NUP210: variants seen among roughly 807,000 people sequenced by gnomAD.
The protein encoded by NUP210 is nuclear pore membrane glycoprotein 210.
Under a neutral mutation model 196.0 loss-of-function variants are expected in NUP210, and 151 were observed. The observed-to-expected ratio is 0.77, with a 90% CI of 0.67 to 0.88. The LOEUF is 0.88. Ranked by LOEUF, NUP210 falls within the 40% of genes least tolerant of loss-of-function variation. The pLI, the probability that NUP210 is intolerant of heterozygous loss-of-function variation, is 0.00. For synonymous variants in NUP210, 1,070 were observed against 1,052.7 expected, an observed-to-expected ratio of 1.02 and a Z score of -0.32; for missense variants, 2,314 against 2,493.7, an observed-to-expected ratio of 0.93 and a Z score of 1.53.
At chr3:13,383,659 G>T (rs1036671470) in intron 6 of NUP210, among the ~76,000 whole-genome samples, 4 of 151,406 alleles carry the variant, frequency 2.6e-5, no homozygotes, top group Admixed American at 2.6e-4. Flanking sequence ...TGAGTAGCTG[G>T]GACTACAGGT....
Position 13,365,964 on chromosome 3 carries a change from A to G in NUP210, c.1914T>C (p.Ala638=), listed in dbSNP as rs754080343. 6.2e-7 allele frequency: 1 copy of G among 1,614,132 alleles called. No individual in the cohort carries two copies. The highest frequency in any genetic ancestry group is 8.5e-7 in the Non-Finnish European group (1 of 1,179,954). ...HVHLSAKITI[A]AYLPLKAVDP... is the part of the protein sequence containing the mutation. ...GGCTCACCTTGAGGGGCAGGTAGGC[A>G]GCAATGGTGATCTTGGCACTCAGGT... Residue 638 remains alanine, a synonymous_variant, in exon 14 of 40, where the codon GCT becomes GCC. Transcript: ENST00000254508.
At chr3:13,372,880 G>A (rs1449077424) in intron 12 of NUP210, among the ~76,000 whole-genome samples, 1 of 152,164 alleles carries the variant, frequency 6.6e-6, no homozygotes, top group Non-Finnish European at 1.5e-5. Context: ...GCTGCTGGGC[G>A]AACAGTGGCA....
rs191370678 is a variant in NUP210 at position 13,379,276 on chromosome 3, C to T, written c.976+287G>A. 1.3e-5 allele frequency among the ~76,000 whole-genome samples: 2 copies of T among 152,276 alleles called. No individual in the cohort carries two copies. Among genetic ancestry groups the T allele is most frequent in the Non-Finnish European group, 2.9e-5 (2 of 68,026 alleles). On this transcript the variant is annotated intron_variant, in intron 7 of 39. Coordinates refer to ENST00000254508, the MANE Select transcript of NUP210 (RefSeq NM_024923.4). The surrounding 1 kb of genome is among the most constrained non-coding windows in gnomAD (Gnocchi z 4.2). ...ATTATGCTAGTATGGAAACAGCCCC[C>T]GCCAGGCCCCCTCTGAGAAGGCTGC...
At chr3:13,317,802 A>T in intron 39 of NUP210, 21 bp from the exon 40 acceptor site, 1 of 1,545,416 alleles carries the variant, frequency 6.5e-7, no homozygotes, top group South Asian at 1.2e-5. Flanking sequence ...AAGAGAGACG[A>T]TGTTAGCAGC....
chr3:13,412,231 C>CTTTTTTT lies in NUP210; in HGVS notation c.167+7822_167+7828dup, dbSNP rs71066953. Among the ~76,000 whole-genome samples, 223 of 104,734 alleles carry CTTTTTTT rather than the reference C, an allele frequency of 2.1e-3. 11 individuals are homozygous for CTTTTTTT. Among genetic ancestry groups the CTTTTTTT allele is most frequent in the Middle Eastern group, 0.01 (2 of 194 alleles). 68.7% of individuals were successfully genotyped at this position (104,734 alleles called of 152,430 possible). Reference sequence around the variant, plus strand: ...CCACACCCAGCTTTATTTTCCTTTTCTTTTTTTTTTTTTTTTAGTAGAGAC... The same window carrying CTTTTTTT: ...CCACACCCAGCTTTATTTTCCTTTTCTTTTTTTTTTTTTTTTTTTTTTTAGTAGAGAC... On this transcript the variant is annotated intron_variant, in intron 1 of 39. Coordinates refer to ENST00000254508, the MANE Select transcript of NUP210 (RefSeq NM_024923.4).
intron 25 of NUP210, among the ~76,000 whole-genome samples, chr3:13,339,053 A>C (rs6442371): frequency 0.19 from 28,338 of 152,056 alleles, 2,732 homozygotes; most frequent in East Asian, 0.3. Flanking sequence ...AGCCCATCTG[A>C]ACCCTACCCC....
rs1699882862 is a variant in NUP210, at chr3:13,402,827, A to C, written c.168-2966T>G. ...TTCCCATACATGCCCTGCCCCATGC[A>C]TACACAACACTTCCCTCAACATCCC... On this transcript the variant is annotated intron_variant, in intron 1 of 39. Transcript: ENST00000254508. Among the ~76,000 whole-genome samples, 3 of 152,228 alleles carry C rather than the reference A, an allele frequency of 2.0e-5. No individual in the cohort carries two copies. In the South Asian group the frequency reaches 6.2e-4, roughly 32 times the overall value.
At chr3:13,417,914 TG>T (rs888527926) in intron 1 of NUP210, among the ~76,000 whole-genome samples, 6 of 152,078 alleles carry the variant, frequency 3.9e-5, no homozygotes, top group Admixed American at 1.3e-4. Flanking sequence ...AAAATGATGT[TG>T]GGGGGGAAAA....
chr3:13,389,960 C>T (rs1026425548), intron 4 of NUP210, among the ~76,000 whole-genome samples: 4 of 152,164 alleles, frequency 2.6e-5, no homozygotes, highest in Non-Finnish European at 5.9e-5. Flanking sequence ...TCTTCACAAG[C>T]GTTGTGGTGT....
In NUP210 at chr3:13,340,367, A is replaced by C; in HGVS notation, c.3229-69T>G. On this transcript the variant is annotated intron_variant, in intron 23 of 39. Transcript: ENST00000254508. This position sits in a 1 kb window ranked among gnomAD's most constrained non-coding sequence, Gnocchi z 4.0. The stretch of plus-strand genomic sequence containing the variant: ...CCATGGCGCCAAGCATAACTCACAC[A>C]CTACATGTTTCATGAGAGGAAAACC... The C allele has an allele frequency of 7.3e-7, 1 of 1,375,348 alleles. No homozygotes were observed. The highest frequency in any genetic ancestry group is 1.0e-6 in the Non-Finnish European group (1 of 967,702). 85.2% of individuals were successfully genotyped at this position (1,375,348 alleles called of 1,614,324 possible). A position where few individuals can be genotyped will look rare whatever the true frequency, so the allele number is the denominator to read the frequency against.
chr3:13,317,734 G>C lies in NUP210; in HGVS notation c.5611C>G (p.Arg1871Gly). ...AGCCCTGAGGGAGGGCTGGCTTTGC[G>C]AGCAGGAGGCAATGCATTGGGAGAT... ...PTSPNALPPA[R>G]KASPPSGLWS... The change falls in exon 40 of 40, where the codon CGC becomes GGC. Residue 1871 changes from arginine to glycine, a missense_variant. Arg to Gly is a moderately radical substitution (Grantham distance 125). Coordinates refer to ENST00000254508, the MANE Select transcript of NUP210 (RefSeq NM_024923.4). The C allele has an allele frequency of 1.2e-6, 2 of 1,611,992 alleles. No homozygotes were observed. The highest frequency in any genetic ancestry group is 2.2e-5 in the East Asian group (1 of 44,826).
chr3:13,324,243 C>T (rs1490960924), intron 33 of NUP210, among the ~76,000 whole-genome samples: 1 of 152,154 alleles, frequency 6.6e-6, no homozygotes. Flanking sequence ...CCCCTTCCTC[C>T]CTGTCCACCC....
chr3:13,390,220 C>T (rs757317420), intron 4 of NUP210, among the ~76,000 whole-genome samples: 8 of 152,174 alleles, frequency 5.3e-5, no homozygotes, highest in African/African-American at 7.2e-5. Context: ...ATCAGGGTGA[C>T]GGGACATGAG....
At chr3:13,370,191 A>G (rs1698682062) in intron 13 of NUP210, among the ~76,000 whole-genome samples, 1 of 150,922 alleles carries the variant, frequency 6.6e-6, no homozygotes, top group Middle Eastern at 3.2e-3. Context: ...TGGGCCCTAC[A>G]CACCTCCCTA....
intron 32 of NUP210, among the ~76,000 whole-genome samples, 156 bp downstream of exon 32, chr3:13,327,061 T>C (rs1008435856): frequency 1.3e-5 from 2 of 152,200 alleles, no homozygotes; most frequent in African/African-American, 4.8e-5. Flanking sequence ...CTGGATCTGG[T>C]CTCCGGGCAG....
intron 21 of NUP210, 113 bp downstream of exon 21, chr3:13,343,062 T>G: frequency 7.7e-7 from 1 of 1,294,192 alleles, no homozygotes; most frequent in Non-Finnish European, 1.1e-6. Context: ...GGGGAAGGGA[T>G]GCAGACCACA....
intron 2 of NUP210, among the ~76,000 whole-genome samples, chr3:13,398,750 A>G (rs1258563518): frequency 6.6e-6 from 1 of 152,090 alleles, no homozygotes; most frequent in Non-Finnish European, 1.5e-5. Flanking sequence ...GGAGACGCCC[A>G]ACTCGCCACA....
At chr3:13,344,832 A>G (rs2124866837) in intron 20 of NUP210, 1 of 742,804 alleles carries the variant, frequency 1.3e-6, no homozygotes, top group East Asian at 1.3e-4. Context: ...GCCCACCTTA[A>G]AGACCTGGAC....
At chr3:13,345,757 G>A (rs936169704) in intron 20 of NUP210, among the ~76,000 whole-genome samples, 3 of 152,196 alleles carry the variant, frequency 2.0e-5, no homozygotes, top group East Asian at 1.9e-4. Context: ...ATGGGCTGAG[G>A]AGCAGGGTCC....
Sources: allele counts gnomAD v4.1 joint callset (sites outside exome capture counted in the v4.1 genomes callset), GRCh38; gene constraint gnomAD v4.1.1; non-coding constraint Gnocchi (gnomAD v3.1); transcripts MANE v1.5; gene names NCBI Gene and HGNC (gene_info 2026-07-23, HGNC 2026-07-21).